The following CYCS variants were observed in gnomAD, a reference collection of about 807,000 sequenced individuals.
CYCS encodes the protein cytochrome c, somatic, also known as cytochrome c.
For missense variants in CYCS, 87 were observed against 125.3 expected (o/e 0.69, Z 1.46); for synonymous variants, 41 against 43.0 (o/e 0.95, Z 0.18).
Position 25,122,890 on chromosome 7 carries a change from G to C in CYCS, c.*811C>G, listed in dbSNP as rs1371581522. On this transcript the variant is annotated 3_prime_UTR_variant, in exon 3 of 3. Transcript: ENST00000305786. ...GTGATCACACATAATTTTAAAATTT[G>C]TGTATATCTCCGTTACTTTAATCCT... 1 of 152,176 alleles carries C rather than the reference G, an allele frequency of 6.6e-6. No individual in the cohort carries two copies. The highest frequency in any genetic ancestry group is 1.5e-5 in the Non-Finnish European group (1 of 68,024). 9.4% of individuals were successfully genotyped at this position (152,176 alleles called of 1,614,324 possible).
rs11548783 is a variant in CYCS at position 25,123,978 on chromosome 7, A to C, written c.142T>G (p.Ser48Ala). ...GRKTGQAPGY[S>A]YTAANKNKGI... The stretch of plus-strand genomic sequence containing the variant: ...TTGTTCTTATTGGCGGCTGTGTAAG[A>C]GTATCCAGGGGCCTGACCTGTCTTC... Residue 48 changes from serine to alanine, a missense_variant, in exon 2 of 3, where the codon TCT becomes GCT. Ser to Ala is a moderately conservative substitution (Grantham distance 99, BLOSUM62 1). Coordinates refer to ENST00000305786, the MANE Select transcript of CYCS (RefSeq NM_018947.6). 3.1e-6 allele frequency: 5 copies of C among 1,614,062 alleles called. No individual in the cohort carries two copies. The South Asian group carries it at 4.4e-5, about 14-fold the overall frequency.
rs1783379990 is a variant in CYCS at position 25,122,517 on chromosome 7, A to G, written c.*1184T>C. On this transcript the variant is annotated 3_prime_UTR_variant, in exon 3 of 3. Transcript: ENST00000305786. ...ACTCTAAATGTGTATGGCACAGACT[A>G]TGCATGAAATAATTCAGTATGTAAT... 6.6e-6 allele frequency: 1 copy of G among 152,240 alleles called. No homozygotes were observed. The highest frequency in any genetic ancestry group is 2.1e-4 in the South Asian group (1 of 4,832). 9.4% of individuals were successfully genotyped at this position (152,240 alleles called of 1,614,324 possible).
intron 1 of CYCS, 127 bp from the exon 2 acceptor site, chr7:25,124,254 T>C (rs529076527): frequency 1.3e-6 from 1 of 783,658 alleles, no homozygotes; most frequent in Admixed American, 2.1e-5. Context: ...CCAGAATGAA[T>C]CTTGTTTTGC....
Position 25,119,807 on chromosome 7 carries a change from T to G in CYCS, c.*3894A>C, listed in dbSNP as rs1202128532. On this transcript the variant is annotated 3_prime_UTR_variant, in exon 3 of 3. Coordinates refer to ENST00000305786, the MANE Select transcript of CYCS (RefSeq NM_018947.6). ...CTGAGACTAGTCAGTCAACTGTCCTTGGTAAGATCTCCTTCTTGACAGCCA... is the reference window on the plus strand; with the variant it reads ...CTGAGACTAGTCAGTCAACTGTCCTGGGTAAGATCTCCTTCTTGACAGCCA... Among the ~76,000 whole-genome samples, 1 of 152,198 alleles carries G rather than the reference T, an allele frequency of 6.6e-6. No individual in the cohort carries two copies. Among genetic ancestry groups the G allele is most frequent in the African/African-American group, 2.4e-5 (1 of 41,440 alleles).
At position 25,124,157 on chromosome 7, in the gene CYCS, T is replaced by G. The variant is rs143205602; in HGVS notation, c.-8-30A>C. On this transcript the variant is annotated intron_variant, in intron 1 of 2. Transcript: ENST00000305786. ...AAACGAAAGCTTCAACTTAGTAAAT[T>G]TTTCCTCAGGTAACAAATACAGTGT... 6.9e-6 allele frequency: 11 copies of G among 1,587,576 alleles called. No homozygotes were observed. In the South Asian group the frequency reaches 7.7e-5, roughly 11 times the overall value.
chr7:25,119,854 T>C lies in CYCS; in HGVS notation c.*3847A>G, dbSNP rs762050024. ...GCCATGTGGATTCTATCACACCCTTTATAATTTACAGCAATCTTCAGTGGT... is the reference window on the plus strand; with the variant it reads ...GCCATGTGGATTCTATCACACCCTTCATAATTTACAGCAATCTTCAGTGGT... On this transcript the variant is annotated 3_prime_UTR_variant, in exon 3 of 3. Coordinates refer to ENST00000305786, the MANE Select transcript of CYCS (RefSeq NM_018947.6). Among the ~76,000 whole-genome samples, 8 of 152,230 alleles carry C rather than the reference T, an allele frequency of 5.3e-5. No individual in the cohort carries two copies. Among genetic ancestry groups the C allele is most frequent in the Non-Finnish European group, 1.2e-4 (8 of 68,044 alleles).
chr7:25,122,287 G>A lies in CYCS; in HGVS notation c.*1414C>T, dbSNP rs1783375433. ...TCCACATTTCTATAAATAAAAATAA[G>A]ACTCATATGTTATAAATTGCTTTCA... On this transcript the variant is annotated 3_prime_UTR_variant, in exon 3 of 3. Coordinates refer to ENST00000305786, the MANE Select transcript of CYCS (RefSeq NM_018947.6). 6.6e-6 allele frequency: 1 copy of A among 152,112 alleles called. No individual in the cohort carries two copies. Among genetic ancestry groups the A allele is most frequent in the Admixed American group, 6.5e-5 (1 of 15,276 alleles). The allele number at this position is 152,112 out of a possible 1,614,324, so 9.4% of individuals were successfully genotyped here. A position where few individuals can be genotyped will look rare whatever the true frequency, so the allele number is the denominator to read the frequency against.
rs1193722414 is a variant in CYCS, at chr7:25,122,335, C to T, written c.*1366G>A. The T allele has an allele frequency of 2.0e-5, 3 of 152,194 alleles. No homozygotes were observed. Among genetic ancestry groups the T allele is most frequent in the Non-Finnish European group, 4.4e-5 (3 of 68,034 alleles). 9.4% of individuals were successfully genotyped at this position (152,194 alleles called of 1,614,324 possible). ...TCAGGCCTTAAAACACCTATCTAATCGTCCCTATCACCTTTGAGACCATGG... is the reference window on the plus strand; with the variant it reads ...TCAGGCCTTAAAACACCTATCTAATTGTCCCTATCACCTTTGAGACCATGG... On this transcript the variant is annotated 3_prime_UTR_variant, in exon 3 of 3. Coordinates refer to ENST00000305786, the MANE Select transcript of CYCS (RefSeq NM_018947.6).
rs1351237883 is a variant in CYCS, at chr7:25,122,143, C to A, written c.*1558G>T. Reference sequence around the variant, plus strand: ...AATACCACTAACTTTATACAGTCACCAAGTCCTCTGCTACAAGGCCTTTCA... The same window carrying A: ...AATACCACTAACTTTATACAGTCACAAAGTCCTCTGCTACAAGGCCTTTCA... On this transcript the variant is annotated 3_prime_UTR_variant, in exon 3 of 3. Transcript: ENST00000305786. The A allele has an allele frequency of 6.6e-6, 1 of 152,074 alleles. No homozygotes were observed. The highest frequency in any genetic ancestry group is 1.5e-5 in the Non-Finnish European group (1 of 68,034). 9.4% of individuals were successfully genotyped at this position (152,074 alleles called of 1,614,324 possible).
At position 25,123,855 on chromosome 7, in the gene CYCS, CAAGA is replaced by C. The variant is rs1022246104; in HGVS notation, c.170-10_170-7del. On this transcript the variant is annotated splice_polypyrimidine_tract_variant and splice_region_variant and intron_variant, in intron 2 of 2. Coordinates refer to ENST00000305786, the MANE Select transcript of CYCS (RefSeq NM_018947.6). Reference sequence around the variant, plus strand: ...ATCCTCTCCCCAGATGATGCCTAAACAAGAAAGAATGCATCGGTTATTTCACACT... The same window carrying C: ...ATCCTCTCCCCAGATGATGCCTAAACAAGAATGCATCGGTTATTTCACACT... The C allele has an allele frequency of 2.5e-6, 4 of 1,613,998 alleles. No homozygotes were observed. Among genetic ancestry groups the C allele is most frequent in the South Asian group, 2.2e-5 (2 of 91,088 alleles).
intron 2 of CYCS, 49 bp from the exon 3 acceptor site, chr7:25,123,898 C>T (rs1297340431): frequency 1.2e-6 from 2 of 1,614,062 alleles, no homozygotes; most frequent in South Asian, 1.1e-5. Flanking sequence ...GATAGTTTGC[C>T]ACATGTTATA....
rs1478257147 is a variant in CYCS, at chr7:25,123,861, A to G, written c.170-12T>C. Reference sequence around the variant, plus strand: ...TCCCCAGATGATGCCTAAACAAGAAAGAATGCATCGGTTATTTCACACTCC... The same window carrying G: ...TCCCCAGATGATGCCTAAACAAGAAGGAATGCATCGGTTATTTCACACTCC... On this transcript the variant is annotated splice_polypyrimidine_tract_variant and intron_variant, in intron 2 of 2. Transcript: ENST00000305786. 1 of 1,614,216 alleles carries G rather than the reference A, an allele frequency of 6.2e-7. No homozygotes were observed. The highest frequency in any genetic ancestry group is 1.1e-5 in the South Asian group (1 of 91,084).
rs1205483032 is a variant in CYCS at position 25,122,263 on chromosome 7, C to T, written c.*1438G>A. Reference sequence around the variant, plus strand: ...TCAAATATGAATTACAGCAAGCTTTCCACATTTCTATAAATAAAAATAAGA... The same window carrying T: ...TCAAATATGAATTACAGCAAGCTTTTCACATTTCTATAAATAAAAATAAGA... On this transcript the variant is annotated 3_prime_UTR_variant, in exon 3 of 3. Transcript: ENST00000305786. 1.3e-5 allele frequency: 2 copies of T among 152,200 alleles called. No individual in the cohort carries two copies. The highest frequency in any genetic ancestry group is 1.9e-4 in the East Asian group (1 of 5,204). The allele number at this position is 152,200 out of a possible 1,614,324, so 9.4% of individuals were successfully genotyped here.
chr7:25,124,178 A>G (rs1783406800), intron 1 of CYCS, 51 bp from the exon 2 acceptor site: 4 of 1,444,402 alleles, frequency 2.8e-6, no homozygotes, highest in Non-Finnish European at 3.9e-6. Context: ...TAACAAATAC[A>G]GTGTAAATGA....
chr7:25,125,003 T>C (rs1397982964), intron 1 of CYCS, 197 bp downstream of exon 1: 2 of 152,350 alleles, frequency 1.3e-5, no homozygotes, highest in African/African-American at 4.8e-5. Flanking sequence ...TACCTGTCCC[T>C]AGTTAGGGCT....
chr7:25,125,242 C>T lies in CYCS; in HGVS notation c.-51G>A, dbSNP rs1269451267. ...CACAACGAACACTCCCGCTCCGAAG[C>T]CGGACGTCCCCACTCTCTAAGTCCA... is the stretch of plus-strand genomic sequence containing the variant. On this transcript the variant is annotated 5_prime_UTR_variant, in exon 1 of 3. Transcript: ENST00000305786. 6.5e-6 allele frequency: 1 copy of T among 152,804 alleles called. No individual in the cohort carries two copies. Among genetic ancestry groups the T allele is most frequent in the African/African-American group, 2.4e-5 (1 of 41,464 alleles). 9.5% of individuals were successfully genotyped at this position (152,804 alleles called of 1,614,324 possible).
rs984157136 is a variant in CYCS, at chr7:25,120,018, T to C, written c.*3683A>G. 1 of 152,000 alleles carries C rather than the reference T, an allele frequency of 6.6e-6. No individual in the cohort carries two copies. The highest frequency in any genetic ancestry group is 2.4e-5 in the African/African-American group (1 of 41,366). The allele number at this position is 152,000 out of a possible 1,614,324, so 9.4% of individuals were successfully genotyped here. ...CGAATAGGTAAAACTTATGGTAAAA[T>C]TATAAAGGTGAGCACAACAGGAACT... On this transcript the variant is annotated 3_prime_UTR_variant, in exon 3 of 3. Transcript: ENST00000305786.
chr7:25,120,025 G>A lies in CYCS; in HGVS notation c.*3676C>T, dbSNP rs1583392937. 1 of 151,954 alleles carries A rather than the reference G, an allele frequency of 6.6e-6. No homozygotes were observed. The allele number at this position is 151,954 out of a possible 1,614,324, so 9.4% of individuals were successfully genotyped here. On this transcript the variant is annotated 3_prime_UTR_variant, in exon 3 of 3. Transcript: ENST00000305786. ...GTAAAACTTATGGTAAAATTATAAA[G>A]GTGAGCACAACAGGAACTGGAATCT... is the stretch of plus-strand genomic sequence containing the variant.
At chr7:25,124,431 C>G (rs1783412922) in intron 1 of CYCS, among the ~76,000 whole-genome samples, 1 of 152,206 alleles carries the variant, frequency 6.6e-6, no homozygotes, top group South Asian at 2.1e-4. Context: ...GTCACGAAGT[C>G]ACAGATCTGA....
Sources: allele counts gnomAD v4.1 joint callset (sites outside exome capture counted in the v4.1 genomes callset), GRCh38; gene constraint gnomAD v4.1.1; transcripts MANE v1.5; gene names NCBI Gene and HGNC (gene_info 2026-07-23, HGNC 2026-07-21).